CACNA1E: variants seen among roughly 807,000 people sequenced by gnomAD.
The protein encoded by CACNA1E is voltage-dependent R-type calcium channel subunit alpha-1E.
A neutral mutation model predicts 259.2 loss-of-function variants in CACNA1E; 40 were observed. The observed-to-expected ratio is 0.15, with a 90% CI of 0.12 to 0.20. The LOEUF (loss-of-function observed/expected upper bound fraction) is 0.20, where lower values mean the gene tolerates loss of function less well. CACNA1E is among the 10% of genes least tolerant of loss of function. The probability of loss-of-function intolerance (pLI) is 1.00; values close to 1 mark genes in which losing one functional copy is unlikely to be tolerated. For synonymous variants in CACNA1E, 1,104 were observed against 1,138.5 expected (o/e 0.97, Z 0.61); for missense variants, 1,874 against 3,040.1 (o/e 0.62, Z 9.02).
At chr1:181,648,795 C>T (rs1658509706) in intron 6 of CACNA1E, among the ~76,000 whole-genome samples, 1 of 152,200 alleles carries the variant, frequency 6.6e-6, no homozygotes, top group African/African-American at 2.4e-5. Context: ...ACAATTTCAT[C>T]ATTGCTATTG....
intron 1 of CACNA1E, among the ~76,000 whole-genome samples, chr1:181,381,273 G>A (rs1466223613): frequency 2.6e-5 from 4 of 152,070 alleles, no homozygotes; most frequent in Non-Finnish European, 5.9e-5. Flanking sequence ...CAGATGCATG[G>A]ATAAACAAAC....
chr1:181,410,132 G>A (rs1439667871), intron 1 of CACNA1E, among the ~76,000 whole-genome samples: 1 of 152,172 alleles, frequency 6.6e-6, no homozygotes, highest in Non-Finnish European at 1.5e-5. Flanking sequence ...CAGGGGAGGG[G>A]TGTGCGCGTG....
intron 1 of CACNA1E, among the ~76,000 whole-genome samples, chr1:181,397,731 C>A (rs910590917): frequency 6.6e-6 from 1 of 152,228 alleles, no homozygotes; most frequent in African/African-American, 2.4e-5. Flanking sequence ...GTCCCTCCCC[C>A]TCATCCCGTC....
intron 27 of CACNA1E, among the ~76,000 whole-genome samples, chr1:181,753,307 G>C (rs535269829): frequency 2.3e-3 from 346 of 152,326 alleles, no homozygotes; most frequent in African/African-American, 8.1e-3. Context: ...CAACACAACA[G>C]AGCCAGACTC....
chr1:181,686,285 T>G (rs969839669), intron 7 of CACNA1E, among the ~76,000 whole-genome samples: 3 of 130,966 alleles, frequency 2.3e-5, no homozygotes, highest in Non-Finnish European at 4.8e-5. Context: ...GTTTTTTTTT[T>G]TTTTTTTTTT....
intron 38 of CACNA1E, among the ~76,000 whole-genome samples, chr1:181,780,372 C>T (rs1660319613): frequency 6.6e-6 from 1 of 152,176 alleles, no homozygotes; most frequent in South Asian, 2.1e-4. Context: ...CCAGGGAATT[C>T]TCTATATCCC....
Position 181,382,810 on chromosome 1 carries a change from T to G in CACNA1E, c.-14-30323T>G, listed in dbSNP as rs373410436. Among the ~76,000 whole-genome samples, 6 of 152,312 alleles carry G rather than the reference T, an allele frequency of 3.9e-5. No individual in the cohort carries two copies. In the East Asian group the frequency reaches 9.6e-4, roughly 24 times the overall value. Reference sequence around the variant, plus strand: ...CCTTTAGCTCAGCCCATTGCTCAGGTGCTCTGCTCCAGCTGATCTGGTCTT... The same window carrying G: ...CCTTTAGCTCAGCCCATTGCTCAGGGGCTCTGCTCCAGCTGATCTGGTCTT... On this transcript the variant is annotated intron_variant, in intron 1 of 11. Coordinates refer to the CACNA1E transcript ENST00000524607.
intron 6 of CACNA1E, among the ~76,000 whole-genome samples, chr1:181,605,524 GA>G (rs1016428915): frequency 2.7e-5 from 4 of 150,598 alleles, no homozygotes; most frequent in Non-Finnish European, 4.4e-5. Context: ...AGAAACACAG[GA>G]AAAAAAAATA....
chr1:181,321,903 T>C (rs1291539868), intron 1 of CACNA1E, among the ~76,000 whole-genome samples: 1 of 152,198 alleles, frequency 6.6e-6, no homozygotes, highest in East Asian at 1.9e-4. Flanking sequence ...GTTGGGATAT[T>C]TTCTAGCTTC....
chr1:181,703,553 G>T (rs941360255), intron 7 of CACNA1E, among the ~76,000 whole-genome samples: 31 of 152,268 alleles, frequency 2.0e-4, no homozygotes, highest in African/African-American at 7.5e-4. Flanking sequence ...TAATTGTCAT[G>T]CTTTTCTTCC....
intron 34 of CACNA1E, among the ~76,000 whole-genome samples, chr1:181,765,047 C>T (rs1460490620): frequency 6.6e-6 from 1 of 152,060 alleles, no homozygotes; most frequent in Admixed American, 6.6e-5. Context: ...TTCTGTGACA[C>T]AGTATAGAAG....
At chr1:181,552,337 T>G (rs937949525) in intron 3 of CACNA1E, among the ~76,000 whole-genome samples, 2 of 152,216 alleles carry the variant, frequency 1.3e-5, no homozygotes, top group Non-Finnish European at 2.9e-5. Context: ...TTTTGTCATC[T>G]AAGCTGTTGA....
chr1:181,771,361 T>G lies in CACNA1E; in HGVS notation c.4950T>G (p.Phe1650Leu). The change falls in exon 36 of 48, where the codon TTT (phenylalanine) becomes TTG (leucine). Residue 1650 changes from phenylalanine to leucine, a missense_variant. Phe to Leu is a conservative substitution (Grantham distance 22). Transcript: ENST00000367573. The stretch of plus-strand genomic sequence containing the variant: ...GGCACAACAACTTCCGGAGTTTCTT[T>G]GGGTCCCTAATGCTACTCTTCAGGT... ...INRHNNFRSF[F>L]GSLMLLFRSA... The G allele has an allele frequency of 6.3e-7, 1 of 1,599,160 alleles. No homozygotes were observed. The highest frequency in any genetic ancestry group is 8.6e-7 in the Non-Finnish European group (1 of 1,169,578).
chr1:181,760,214 C>T (rs1658462337), intron 32 of CACNA1E, among the ~76,000 whole-genome samples: 2 of 152,134 alleles, frequency 1.3e-5, no homozygotes, highest in South Asian at 4.1e-4. Flanking sequence ...TATATACTCA[C>T]AGCCTTAACT....
chr1:181,688,569 G>T (rs1650817188), intron 7 of CACNA1E, among the ~76,000 whole-genome samples: 1 of 152,158 alleles, frequency 6.6e-6, no homozygotes. Flanking sequence ...AAGGTACAAA[G>T]TGATGTTTTG....
At chr1:181,793,955 C>T (rs374167408) in intron 45 of CACNA1E, among the ~76,000 whole-genome samples, 162 bp downstream of exon 45, 3 of 152,274 alleles carry the variant, frequency 2.0e-5, no homozygotes, top group African/African-American at 7.2e-5. Context: ...CCTGCTTCTC[C>T]GGTGTTTTCA....
Position 181,731,196 on chromosome 1 carries a change from C to A in CACNA1E, c.2262C>A (p.His754Gln). The change falls in exon 19 of 48, where the codon CAC becomes CAA. Residue 754 changes from histidine to glutamine, a missense_variant. His to Gln is a conservative substitution (Grantham distance 24). This residue lies in a region of CACNA1E where 476 missense variants were observed against 514.0 expected (regional missense o/e 0.93). Coordinates refer to ENST00000367573, the MANE Select transcript of CACNA1E (RefSeq NM_001205293.3). ...PSIERDRRRR[H>Q]HMSMWEPRSS... is the part of the protein sequence containing the mutation. The stretch of plus-strand genomic sequence containing the variant: ...CCAGAAGAGACAGAAGGAGAAGACA[C>A]CACATGTCGATGTGGGAGCCACGCA... 1 of 1,613,824 alleles carries A rather than the reference C, an allele frequency of 6.2e-7. No homozygotes were observed. The highest frequency in any genetic ancestry group is 8.5e-7 in the Non-Finnish European group (1 of 1,179,760).
intron 47 of CACNA1E, among the ~76,000 whole-genome samples, chr1:181,797,395 A>G (rs1661905741): frequency 6.6e-6 from 1 of 152,206 alleles, no homozygotes; most frequent in African/African-American, 2.4e-5. Context: ...TCCTTACTAC[A>G]GCCCTATCTC....
At chr1:181,439,696 A>G (rs1660327808) in intron 2 of CACNA1E, among the ~76,000 whole-genome samples, 1 of 152,198 alleles carries the variant, frequency 6.6e-6, no homozygotes, top group Non-Finnish European at 1.5e-5. Context: ...CAAAAGGGCA[A>G]GCCTCTCCCA....
Sources: allele counts gnomAD v4.1 joint callset (sites outside exome capture counted in the v4.1 genomes callset), GRCh38; gene constraint gnomAD v4.1.1; regional missense constraint gnomAD v4.1.1; transcripts MANE v1.5; gene names NCBI Gene and HGNC (gene_info 2026-07-23, HGNC 2026-07-21).